Variants in EPHA4 observed in about 807,000 individuals in gnomAD.
EPHA4 encodes ephrin type-A receptor 4.
Under a neutral mutation model 108.3 loss-of-function variants are expected in EPHA4, and 19 were observed. The observed-to-expected ratio is 0.18, with a 90% CI of 0.12 to 0.26. The LOEUF (loss-of-function observed/expected upper bound fraction) is 0.26. Among genes scored for constraint, EPHA4 ranks in the 10% least tolerant of loss-of-function variants. EPHA4 has a pLI of 1.00. For missense variants in EPHA4, 917 were observed against 1,254.0 expected, an observed-to-expected ratio of 0.73 and a Z score of 4.06; for synonymous variants, 449 against 455.5, an observed-to-expected ratio of 0.99 and a Z score of 0.18.
chr2:221,422,553 G>C (rs1689789173), intron 17 of EPHA4, among the ~76,000 whole-genome samples: 1 of 152,156 alleles, frequency 6.6e-6, no homozygotes, highest in Non-Finnish European at 1.5e-5. Context: ...GAAATGATTG[G>C]ACATTTGAAT....
chr2:221,546,039 C>T (rs1009628418), intron 3 of EPHA4, among the ~76,000 whole-genome samples: 28 of 152,318 alleles, frequency 1.8e-4, no homozygotes, highest in Non-Finnish European at 2.9e-4. Context: ...TTAGTTATAA[C>T]ATATTACAAT....
chr2:221,499,756 A>ATATT lies in EPHA4; in HGVS notation c.979+1260_979+1261insAATA, dbSNP rs1334015871. On this transcript the variant is annotated intron_variant, in intron 4 of 17. Coordinates refer to ENST00000281821, the MANE Select transcript of EPHA4 (RefSeq NM_004438.5). ...TATATATATATATATATATATATAT[A>ATATT]TTTTTTTTTTTTTTTTTTGAGACAG... Among the ~76,000 whole-genome samples, 112 of 26,212 alleles carry ATATT rather than the reference A, an allele frequency of 4.3e-3. 3 individuals are homozygous for ATATT. Among genetic ancestry groups the ATATT allele is most frequent in the Non-Finnish European group, 5.8e-3 (91 of 15,708 alleles). The allele number at this position is 26,212 out of a possible 152,430, so 17.2% of individuals were successfully genotyped here. A position where few individuals can be genotyped will look rare whatever the true frequency, so the allele number is the denominator to read the frequency against.
intron 9 of EPHA4, 30 bp from the exon 10 acceptor site, chr2:221,443,636 A>G (rs372716993): frequency 1.4e-5 from 22 of 1,529,058 alleles, no homozygotes; most frequent in Non-Finnish European, 2.0e-5. Flanking sequence ...AGTTGGCTGA[A>G]TACTTCTAAG....
chr2:221,462,775 C>T (rs984685141), intron 5 of EPHA4, among the ~76,000 whole-genome samples: 1 of 152,162 alleles, frequency 6.6e-6, no homozygotes, highest in African/African-American at 2.4e-5. Flanking sequence ...CAAACACAGG[C>T]TGTAAAATGT....
chr2:221,472,944 T>C (rs989105189), intron 5 of EPHA4, among the ~76,000 whole-genome samples: 1 of 152,134 alleles, frequency 6.6e-6, no homozygotes, highest in African/African-American at 2.4e-5. Context: ...CTAAGAGTGA[T>C]TTCTTCAACT....
At chr2:221,470,610 C>CCTCTGCTTTTAGGGAACCT (rs3835969) in intron 5 of EPHA4, among the ~76,000 whole-genome samples, 9 of 86,962 alleles carry the variant, frequency 1.0e-4, no homozygotes, top group African/African-American at 5.0e-4. Flanking sequence ...CTTTAGGGAA[C>CCTCTGCTTTTAGGGAACCT]CTGCTTTTCC....
At chr2:221,441,405 A>G (rs1690425179) in intron 11 of EPHA4, among the ~76,000 whole-genome samples, 1 of 151,948 alleles carries the variant, frequency 6.6e-6, no homozygotes, top group Admixed American at 6.6e-5. Context: ...TACCTTAGGA[A>G]TAGTCAAACT....
At chr2:221,552,248 A>C (rs1694183911) in intron 3 of EPHA4, among the ~76,000 whole-genome samples, 1 of 152,240 alleles carries the variant, frequency 6.6e-6, no homozygotes, top group South Asian at 2.1e-4. Context: ...CTAACAGCTA[A>C]AGGTGAATTC....
intron 8 of EPHA4, among the ~76,000 whole-genome samples, chr2:221,447,020 A>G (rs1385213208): frequency 1.3e-5 from 2 of 152,204 alleles, no homozygotes; most frequent in Non-Finnish European, 2.9e-5. Context: ...AAATGTATAT[A>G]TCTCTCTTAT....
chr2:221,566,959 AAG>A, intron 2 of EPHA4, among the ~76,000 whole-genome samples: 1 of 105,684 alleles, frequency 9.5e-6, no homozygotes, highest in African/African-American at 3.9e-5. Flanking sequence ...GGAGAAGGGG[AAG>A]AGGAAGAGGA....
chr2:221,491,578 A>G (rs1692143941), intron 4 of EPHA4, among the ~76,000 whole-genome samples: 1 of 152,172 alleles, frequency 6.6e-6, no homozygotes, highest in African/African-American at 2.4e-5. Flanking sequence ...ATTGGATAGA[A>G]AGTTTCCAAC....
At chr2:221,463,702 T>A (rs893518886) in intron 5 of EPHA4, among the ~76,000 whole-genome samples, 1 of 152,220 alleles carries the variant, frequency 6.6e-6, no homozygotes, top group Non-Finnish European at 1.5e-5. Flanking sequence ...CAATTTTCTT[T>A]TATTCACTTC....
chr2:221,455,789 C>T, intron 7 of EPHA4, 131 bp from the exon 8 acceptor site: 1 of 681,310 alleles, frequency 1.5e-6, no homozygotes, highest in Non-Finnish European at 2.5e-6. Flanking sequence ...TCAGAAAGGG[C>T]AGCAGTTTTG....
intron 6 of EPHA4, 41 bp downstream of exon 6, chr2:221,457,825 G>A (rs1691008718): frequency 6.3e-7 from 1 of 1,593,076 alleles, no homozygotes; most frequent in East Asian, 2.3e-5. Flanking sequence ...AGGAAGGAAG[G>A]AAGGAAGAAA....
At chr2:221,514,536 C>A (rs1443147305) in intron 3 of EPHA4, among the ~76,000 whole-genome samples, 1 of 152,154 alleles carries the variant, frequency 6.6e-6, no homozygotes, top group African/African-American at 2.4e-5. Context: ...GCCAAAAGTG[C>A]TTGCAGGTGA....
intron 4 of EPHA4, among the ~76,000 whole-genome samples, chr2:221,483,644 T>C (rs1691897090): frequency 6.6e-6 from 1 of 151,842 alleles, no homozygotes; most frequent in East Asian, 1.9e-4. Flanking sequence ...GCCTCCCAAG[T>C]AGCTGAAAAT....
intron 3 of EPHA4, among the ~76,000 whole-genome samples, chr2:221,507,559 A>AT (rs552303399): frequency 8.3e-4 from 123 of 148,566 alleles, no homozygotes; most frequent in Admixed American, 2.2e-3. Flanking sequence ...AATGATACTG[A>AT]TTTTTTTTTT....
chr2:221,562,884 C>G (rs1167456006), intron 3 of EPHA4, among the ~76,000 whole-genome samples: 3 of 151,798 alleles, frequency 2.0e-5, no homozygotes, highest in Non-Finnish European at 2.9e-5. Context: ...GGTAAAAAAG[C>G]AAGAATCAAC....
intron 3 of EPHA4, among the ~76,000 whole-genome samples, chr2:221,550,076 C>T (rs1039413643): frequency 2.0e-5 from 3 of 152,034 alleles, no homozygotes; most frequent in Admixed American, 6.6e-5. Context: ...TGCTGTTCAC[C>T]GTAAAAGAAA....
Sources: gnomAD v4.1 joint callset for allele counts (sites outside exome capture counted in the v4.1 genomes callset) on GRCh38, gnomAD v4.1.1 for gene constraint, MANE v1.5 for transcripts, NCBI Gene and HGNC (gene_info 2026-07-23, HGNC 2026-07-21) for gene names.